Variants in CEP112 observed in about 807,000 individuals in gnomAD.
CEP112 encodes centrosomal protein of 112 kDa.
A neutral mutation model predicts 153.0 loss-of-function variants in CEP112; 127 were observed. That is an observed-to-expected ratio of 0.83 (90% CI 0.72 to 0.96). The LOEUF (loss-of-function observed/expected upper bound fraction) is 0.96. CEP112 is among the 40% of genes least tolerant of loss of function. The pLI, the probability that CEP112 is intolerant of heterozygous loss-of-function variation, is 0.00. For synonymous variants in CEP112, 358 were observed against 374.4 expected, an observed-to-expected ratio of 0.96 and a Z score of 0.51; for missense variants, 1,089 against 1,101.2, an observed-to-expected ratio of 0.99 and a Z score of 0.16.
chr17:65,928,309 A>G (rs1177724631), intron 18 of CEP112, among the ~76,000 whole-genome samples: 1 of 152,218 alleles, frequency 6.6e-6, no homozygotes, highest in African/African-American at 2.4e-5. Context: ...AGAAGTCAGA[A>G]CCTTCAACAC....
At chr17:65,851,694 A>G (rs2057937190) in intron 21 of CEP112, 110 bp downstream of exon 21, 2 of 753,378 alleles carry the variant, frequency 2.7e-6, no homozygotes, top group Non-Finnish European at 4.4e-6. Flanking sequence ...TATACATTTA[A>G]AGAGTAATGC....
chr17:65,699,308 G>A (rs1178206915), intron 23 of CEP112, among the ~76,000 whole-genome samples: 1 of 152,118 alleles, frequency 6.6e-6, no homozygotes, highest in Non-Finnish European at 1.5e-5. Context: ...AGAGCAAGTT[G>A]CCTTTCATTT....
chr17:66,140,536 CTATT>C (rs201736799), intron 4 of CEP112, among the ~76,000 whole-genome samples: 1,538 of 152,286 alleles, frequency 0.01, 26 homozygotes, highest in African/African-American at 0.034. Flanking sequence ...CATTAAATAA[CTATT>C]TAAACTAATA....
intron 20 of CEP112, among the ~76,000 whole-genome samples, chr17:65,898,767 C>T (rs570662158): frequency 6.6e-6 from 1 of 152,140 alleles, no homozygotes; most frequent in African/African-American, 2.4e-5. Context: ...CTGCTGGTTA[C>T]CCTAGGTGCC....
At chr17:65,786,381 T>G (rs1441417518) in intron 21 of CEP112, among the ~76,000 whole-genome samples, 1 of 151,990 alleles carries the variant, frequency 6.6e-6, no homozygotes, top group Non-Finnish European at 1.5e-5. Context: ...TTTTACTTCT[T>G]CCTTTCCGAT....
chr17:65,771,921 G>C (rs2053379150), intron 21 of CEP112, among the ~76,000 whole-genome samples: 1 of 151,974 alleles, frequency 6.6e-6, no homozygotes, highest in African/African-American at 2.4e-5. Context: ...CTTGGGAGTT[G>C]GGAGGTGGGA....
chr17:65,813,784 CA>C (rs2056116635), intron 21 of CEP112, among the ~76,000 whole-genome samples: 1 of 152,054 alleles, frequency 6.6e-6, no homozygotes, highest in Non-Finnish European at 1.5e-5. Flanking sequence ...TAATTTACAC[CA>C]ATTATTTTCA....
intron 2 of CEP112, among the ~76,000 whole-genome samples, chr17:66,181,694 G>A (rs1238609146): frequency 1.3e-5 from 2 of 152,106 alleles, no homozygotes; most frequent in East Asian, 3.9e-4. Context: ...TATGGGGATG[G>A]TTTGATTTGA....
chr17:66,190,000 C>G (rs1415888154), intron 1 of CEP112, among the ~76,000 whole-genome samples: 2 of 152,142 alleles, frequency 1.3e-5, no homozygotes, highest in Non-Finnish European at 2.9e-5. Context: ...CCACTGCACT[C>G]CAGCCTGAGC....
chr17:65,840,369 T>G (rs943985472), intron 21 of CEP112, among the ~76,000 whole-genome samples: 1 of 152,062 alleles, frequency 6.6e-6, no homozygotes, highest in African/African-American at 2.4e-5. Context: ...AGCTAACTCA[T>G]TTTTGACAAA....
intron 17 of CEP112, among the ~76,000 whole-genome samples, chr17:65,969,748 C>T (rs73992167): frequency 0.066 from 10,063 of 152,234 alleles, 487 homozygotes; most frequent in African/African-American, 0.12. Context: ...ATACACTACA[C>T]GAATGCTTAT....
chr17:65,904,342 C>T (rs1314704344), intron 19 of CEP112, among the ~76,000 whole-genome samples: 1 of 152,104 alleles, frequency 6.6e-6, no homozygotes, highest in Non-Finnish European at 1.5e-5. Flanking sequence ...TGAGTGAACT[C>T]CCATTCACAA....
intron 6 of CEP112, among the ~76,000 whole-genome samples, chr17:66,108,678 G>C (rs892580862): frequency 6.6e-6 from 1 of 152,128 alleles, no homozygotes; most frequent in Non-Finnish European, 1.5e-5. Context: ...ATGCAAATTA[G>C]TACAGCCACT....
intron 23 of CEP112, among the ~76,000 whole-genome samples, chr17:65,703,695 C>A (rs375850134): frequency 2.0e-5 from 3 of 147,226 alleles, no homozygotes. Flanking sequence ...TTATCTTCAT[C>A]ATATCTAGAA....
intron 6 of CEP112, among the ~76,000 whole-genome samples, chr17:66,118,896 A>C (rs199978404): frequency 1.7e-5 from 1 of 59,984 alleles, no homozygotes; most frequent in South Asian, 1.2e-3. Flanking sequence ...ATCAAACAAA[A>C]AAAAATCCCT....
intron 21 of CEP112, among the ~76,000 whole-genome samples, chr17:65,824,952 A>G (rs767825840): frequency 6.6e-6 from 1 of 152,208 alleles, no homozygotes. Context: ...ACAGAATTAT[A>G]TCGACCAATT....
At chr17:65,741,824 A>C (rs1350419357) in intron 23 of CEP112, among the ~76,000 whole-genome samples, 1 of 152,100 alleles carries the variant, frequency 6.6e-6, no homozygotes, top group Non-Finnish European at 1.5e-5. Flanking sequence ...GTTTATGTGA[A>C]GCAAAACAGT....
chr17:65,804,550 T>C (rs1332538874), intron 21 of CEP112: 1 of 152,186 alleles, frequency 6.6e-6, no homozygotes, highest in Non-Finnish European at 1.5e-5. Context: ...GTATCTTCTC[T>C]GAGTTTTAAT....
At chr17:66,183,015 A>G (rs1306247324) in intron 2 of CEP112, among the ~76,000 whole-genome samples, 179 bp downstream of exon 2, 2 of 152,242 alleles carry the variant, frequency 1.3e-5, no homozygotes, top group Non-Finnish European at 2.9e-5. Flanking sequence ...TTGGCAGGAC[A>G]TTATCACTGA....
Sources: gnomAD v4.1 joint callset for allele counts (sites outside exome capture counted in the v4.1 genomes callset) on GRCh38, gnomAD v4.1.1 for gene constraint, MANE v1.5 for transcripts, NCBI Gene and HGNC (gene_info 2026-07-23, HGNC 2026-07-21) for gene names.